ZNF462: variants seen among roughly 807,000 people sequenced by gnomAD.
ZNF462 encodes the protein zinc finger PBX1-interacting protein.
ZNF462 carries 10 observed loss-of-function variants against 201.9 expected under a neutral mutation model. The ratio of observed to expected loss-of-function variants is 0.05; its 90% CI spans 0.03 to 0.08. The LOEUF (loss-of-function observed/expected upper bound fraction) is 0.08, where lower values mean the gene tolerates loss of function less well. ZNF462 is among the 10% of genes least tolerant of loss of function. The pLI, the probability that ZNF462 is intolerant of heterozygous loss-of-function variation, is 1.00. For synonymous variants in ZNF462, 1,227 were observed against 1,193.3 expected (o/e 1.03, Z -0.58); for missense variants, 2,523 against 3,168.3 (o/e 0.80, Z 4.89).
intron 1 of ZNF462, among the ~76,000 whole-genome samples, chr9:106,910,386 T>TTTTA (rs965036059): frequency 6.2e-5 from 9 of 145,914 alleles, no homozygotes; most frequent in Non-Finnish European, 1.2e-4. Context: ...TTTTTTTTTT[T>TTTTA]AATAACTCAT....
At position 106,954,402 on chromosome 9, in the gene ZNF462, A is replaced by G. The variant is rs1341888840; in HGVS notation, c.6427+15295A>G. ...GAATAGCATGGAGGAAACTGTCCCC[A>G]TGATCCAGTCACCTCCCACAAGGTC... On this transcript the variant is annotated intron_variant, in intron 7 of 12. Transcript: ENST00000277225. The surrounding 1 kb of genome is among the most constrained non-coding windows in gnomAD (Gnocchi z 4.0). Among the ~76,000 whole-genome samples the G allele has an allele frequency of 2.6e-5, 4 of 152,038 alleles. No homozygotes were observed. The highest frequency in any genetic ancestry group is 2.0e-4 in the Admixed American group (3 of 15,250).
At position 106,925,139 on chromosome 9, in the gene ZNF462, A is replaced by C; in HGVS notation, c.1227A>C (p.Ser409=). 1 of 1,614,230 alleles carries C rather than the reference A, an allele frequency of 6.2e-7. No homozygotes were observed. The highest frequency in any genetic ancestry group is 2.2e-5 in the East Asian group (1 of 44,874). The change falls in exon 3 of 13, where the codon TCA becomes TCC. Residue 409 remains serine (S), a synonymous_variant. Transcript: ENST00000277225. The surrounding 1 kb of genome is among the most constrained non-coding windows in gnomAD (Gnocchi z 7.9). ...TAAGTGCTATGGATCACCAGACATC[A>C]GGCCTGTCTGCAGAGCAGCTGATGG... ...NGLSAMDHQT[S]GLSAEQLMGS...
intron 1 of ZNF462, among the ~76,000 whole-genome samples, chr9:106,906,067 T>C (rs1829259050): frequency 6.6e-6 from 1 of 152,230 alleles, no homozygotes; most frequent in Admixed American, 6.5e-5. Context: ...TCCCAGGGCC[T>C]TCCTGCTGCT....
At chr9:106,864,625 C>A (rs531194950) in intron 1 of ZNF462, among the ~76,000 whole-genome samples, 2 of 152,102 alleles carry the variant, frequency 1.3e-5, no homozygotes, top group Non-Finnish European at 2.9e-5. Context: ...ATTGTGGCTT[C>A]TAACCTACAG....
chr9:106,925,020 A>G lies in ZNF462; in HGVS notation c.1108A>G (p.Met370Val), dbSNP rs1394000854. ...TERSRYGMTD[M>V]TNSSADLETN... ...GAGATCCCGTTATGGAATGACTGAC[A>G]TGACCAATTCTTCTGCTGACCTGGA... Residue 370 changes from methionine (M) to valine (V), a missense_variant, in exon 3 of 13, where the codon ATG becomes GTG. Transcript: ENST00000277225. This position sits in a 1 kb window ranked among gnomAD's most constrained non-coding sequence, Gnocchi z 7.9. The G allele has an allele frequency of 1.9e-6, 3 of 1,614,110 alleles. No individual in the cohort carries two copies. Among genetic ancestry groups the G allele is most frequent in the Admixed American group, 1.7e-5 (1 of 60,014 alleles).
rs143323681 is a variant in ZNF462 at position 106,909,220 on chromosome 9, C to G, written c.-30-14134C>G. Among the ~76,000 whole-genome samples, 442 of 147,202 alleles carry G rather than the reference C, an allele frequency of 3.0e-3. 3 individuals carry two copies. The highest frequency in any genetic ancestry group is 0.011 in the African/African-American group (430 of 37,822). The stretch of plus-strand genomic sequence containing the variant: ...TCAAATGATCCACTTGCTTCTGCAT[C>G]CCAGAGTGCTGGGATTACAGGCCCG... On this transcript the variant is annotated intron_variant, in intron 1 of 12. Coordinates refer to ENST00000277225, the MANE Select transcript of ZNF462 (RefSeq NM_021224.6).
rs1830502579 is a variant in ZNF462, at chr9:106,933,428, C to A, written c.6116+879C>A. Among the ~76,000 whole-genome samples, 1 of 152,076 alleles carries A rather than the reference C, an allele frequency of 6.6e-6. No individual in the cohort carries two copies. Among genetic ancestry groups the A allele is most frequent in the Non-Finnish European group, 1.5e-5 (1 of 68,008 alleles). ...AATATCTAATCTTTGTCATCAGATC[C>A]ATACATTGGCATAAAACTTGAAATA... On this transcript the variant is annotated intron_variant, in intron 5 of 12. Transcript: ENST00000277225. The surrounding 1 kb of genome is among the most constrained non-coding windows in gnomAD (Gnocchi z 4.3).
intron 7 of ZNF462, among the ~76,000 whole-genome samples, chr9:106,946,168 C>T (rs969238166): frequency 6.6e-6 from 1 of 152,206 alleles, no homozygotes; most frequent in Non-Finnish European, 1.5e-5. Context: ...CCCAGCAACA[C>T]TGGAGTTTGC....
chr9:106,979,856 T>C (rs1484714336), intron 9 of ZNF462, among the ~76,000 whole-genome samples: 1 of 152,194 alleles, frequency 6.6e-6, no homozygotes, highest in Non-Finnish European at 1.5e-5. Flanking sequence ...CATTGTAATT[T>C]TGGAACCATG....
rs1828778391 is a variant in ZNF462 at position 106,895,623 on chromosome 9, A to G, written c.-30-27731A>G. Among the ~76,000 whole-genome samples, 1 of 152,236 alleles carries G rather than the reference A, an allele frequency of 6.6e-6. No individual in the cohort carries two copies. The highest frequency in any genetic ancestry group is 1.5e-5 in the Non-Finnish European group (1 of 68,042). On this transcript the variant is annotated intron_variant, in intron 1 of 12. Coordinates refer to ENST00000277225, the MANE Select transcript of ZNF462 (RefSeq NM_021224.6). The surrounding 1 kb of genome is among the most constrained non-coding windows in gnomAD (Gnocchi z 4.4). The stretch of plus-strand genomic sequence containing the variant: ...AAGGCTCTGACATTTGAAACTGGAT[A>G]GATCTTACGTTATTTAATCCCTATG...
Position 106,917,929 on chromosome 9 carries a change from T to G in ZNF462, c.-30-5425T>G, listed in dbSNP as rs1303290737. 6.6e-6 allele frequency among the ~76,000 whole-genome samples: 1 copy of G among 151,700 alleles called. No homozygotes were observed. The highest frequency in any genetic ancestry group is 1.9e-4 in the East Asian group (1 of 5,176). ...TCTCACTCTGCCACCCAGGCTGGAG[T>G]GCAGTGGCGCGATCTCGGCTCACTG... On this transcript the variant is annotated intron_variant, in intron 1 of 12. Transcript: ENST00000277225. This position sits in a 1 kb window ranked among gnomAD's most constrained non-coding sequence, Gnocchi z 4.5.
At chr9:106,942,805 T>C (rs146383681) in intron 7 of ZNF462, among the ~76,000 whole-genome samples, 1 of 152,316 alleles carries the variant, frequency 6.6e-6, no homozygotes, top group African/African-American at 2.4e-5. Flanking sequence ...ACATGGGCAA[T>C]GGATACGTAA....
In ZNF462 at chr9:106,926,158, T is replaced by C. The variant is rs754930354; in HGVS notation, c.2246T>C (p.Ile749Thr). Residue 749 changes from isoleucine to threonine, a missense_variant, in exon 3 of 13, where the codon ATA (isoleucine) becomes ACA (threonine). By Grantham distance (89) the Ile-to-Thr change is moderately conservative (BLOSUM62 -1). Transcript: ENST00000277225. This position sits in a 1 kb window ranked among gnomAD's most constrained non-coding sequence, Gnocchi z 7.9. ...DREEEPTEPI[I>T]EVPTSFSAQQ... is the part of the protein sequence containing the mutation. ...GAGGAAGAACCGACAGAACCCATCA[T>C]AGAGGTTCCCACTTCCTTTTCTGCC... 16 of 1,614,198 alleles carry C rather than the reference T, an allele frequency of 9.9e-6. No individual in the cohort carries two copies. The highest frequency in any genetic ancestry group is 4.0e-5 in the African/African-American group (3 of 75,042).
At chr9:106,911,782 T>C (rs923240867) in intron 1 of ZNF462, among the ~76,000 whole-genome samples, 1 of 152,210 alleles carries the variant, frequency 6.6e-6, no homozygotes, top group African/African-American at 2.4e-5. Flanking sequence ...GAAGATAGTT[T>C]AAAAGTTAAA....
Position 106,905,558 on chromosome 9 carries a change from G to A in ZNF462, c.-30-17796G>A, listed in dbSNP as rs919239629. ...ACCATCAGGTAGGGTGGGGAGAGAT[G>A]TGTCTGAGCTTAGACTCTCCTTGGG... On this transcript the variant is annotated intron_variant, in intron 1 of 12. Transcript: ENST00000277225. The surrounding 1 kb of genome is among the most constrained non-coding windows in gnomAD (Gnocchi z 5.9). 3.3e-5 allele frequency among the ~76,000 whole-genome samples: 5 copies of A among 152,178 alleles called. No homozygotes were observed. The highest frequency in any genetic ancestry group is 7.3e-5 in the Non-Finnish European group (5 of 68,034).
At chr9:106,884,815 T>TCAAAC (rs1293478349) in intron 1 of ZNF462, among the ~76,000 whole-genome samples, 29 of 152,340 alleles carry the variant, frequency 1.9e-4, no homozygotes, top group African/African-American at 6.7e-4. Flanking sequence ...CTGCCTGGCC[T>TCAAAC]GGTTTGAAGC....
At chr9:106,948,588 CTA>C (rs1831208346) in intron 7 of ZNF462, among the ~76,000 whole-genome samples, 1 of 151,974 alleles carries the variant, frequency 6.6e-6, no homozygotes, top group Non-Finnish European at 1.5e-5. Context: ...AGAATAATCT[CTA>C]TTCACAGTTT....
chr9:106,879,700 G>C (rs1828007943), intron 1 of ZNF462, among the ~76,000 whole-genome samples: 1 of 152,246 alleles, frequency 6.6e-6, no homozygotes, highest in South Asian at 2.1e-4. Flanking sequence ...CTGCAGAATG[G>C]TTCCAGTGAT....
Position 106,943,057 on chromosome 9 carries a change from C to CGTGTGTGTGTGTGT in ZNF462, c.6427+3951_6427+3952insTGTGTGTGTGTGTG, listed in dbSNP as rs577655863. The stretch of plus-strand genomic sequence containing the variant: ...TGGTAACATAGTTTTGTTTTGCGCG[C>CGTGTGTGTGTGTGT]GCGTGTGTGTGTGTGTGTGTGTGTG... On this transcript the variant is annotated intron_variant, in intron 7 of 12. Transcript: ENST00000277225. Among the ~76,000 whole-genome samples, 669 of 136,864 alleles carry CGTGTGTGTGTGTGT rather than the reference C, an allele frequency of 4.9e-3. 3 individuals are homozygous for CGTGTGTGTGTGTGT. Among genetic ancestry groups the CGTGTGTGTGTGTGT allele is most frequent in the East Asian group, 0.035 (168 of 4,852 alleles). The allele number at this position is 136,864 out of a possible 152,430, so 89.8% of individuals were successfully genotyped here. A position where few individuals can be genotyped will look rare whatever the true frequency, so the allele number is the denominator to read the frequency against.
Sources: gnomAD v4.1 joint callset for allele counts (sites outside exome capture counted in the v4.1 genomes callset) on GRCh38, gnomAD v4.1.1 for gene constraint, Gnocchi (gnomAD v3.1) non-coding constraint, MANE v1.5 for transcripts, NCBI Gene and HGNC (gene_info 2026-07-23, HGNC 2026-07-21) for gene names.